CRIM1: variants seen among roughly 807,000 people sequenced by gnomAD.
The protein encoded by CRIM1 is cysteine rich transmembrane BMP regulator 1.
Under a neutral mutation model 116.4 loss-of-function variants are expected in CRIM1, and 32 were observed. The ratio of observed to expected loss-of-function variants is 0.27; its 90% CI spans 0.21 to 0.37. The LOEUF (loss-of-function observed/expected upper bound fraction) is 0.37. CRIM1 is among the 10% of genes least tolerant of loss of function. The pLI is 1.00. For synonymous variants in CRIM1, 590 were observed against 509.2 expected (o/e 1.16, Z -2.13); for missense variants, 1,331 against 1,354.8 (o/e 0.98, Z 0.28).
At chr2:36,485,003 A>C (rs1299338593) in intron 7 of CRIM1, among the ~76,000 whole-genome samples, 1 of 152,226 alleles carries the variant, frequency 6.6e-6, no homozygotes, top group African/African-American at 2.4e-5. Flanking sequence ...GGTATATCAG[A>C]GTCCATAGTA....
intron 4 of CRIM1, 32 bp downstream of exon 4, chr2:36,442,767 C>T (rs1224800385): frequency 6.2e-7 from 1 of 1,613,358 alleles, no homozygotes; most frequent in Admixed American, 1.7e-5. Flanking sequence ...CAAGTTTTCT[C>T]CTCATTTGTT....
At chr2:36,385,804 C>G (rs1196596217) in intron 1 of CRIM1, among the ~76,000 whole-genome samples, 3 of 152,128 alleles carry the variant, frequency 2.0e-5, no homozygotes, top group South Asian at 4.1e-4. Flanking sequence ...GGATTTAGAC[C>G]TAGGTTGCTC....
intron 12 of CRIM1, among the ~76,000 whole-genome samples, chr2:36,520,010 A>G (rs527469234): frequency 3.3e-5 from 5 of 152,342 alleles, no homozygotes; most frequent in African/African-American, 4.8e-5. Flanking sequence ...AAGTGTAAAG[A>G]AAAGGGTCTA....
chr2:36,465,250 A>C (rs1166587384), intron 5 of CRIM1, among the ~76,000 whole-genome samples: 1 of 152,194 alleles, frequency 6.6e-6, no homozygotes, highest in African/African-American at 2.4e-5. Flanking sequence ...TTCTGACAGA[A>C]TCTGCCTCTC....
intron 1 of CRIM1, among the ~76,000 whole-genome samples, chr2:36,375,612 G>A (rs1376044158): frequency 1.3e-5 from 2 of 152,140 alleles, no homozygotes; most frequent in African/African-American, 4.8e-5. Context: ...TATAATTAGT[G>A]TAAGATATAT....
intron 7 of CRIM1, among the ~76,000 whole-genome samples, chr2:36,481,973 C>T (rs753416526): frequency 9.2e-5 from 14 of 152,148 alleles, no homozygotes; most frequent in African/African-American, 3.1e-4. Context: ...TGAATGTGAT[C>T]GTCCACCTAC....
rs1346593908 is a variant in CRIM1, at chr2:36,477,162, G to A, written c.1174+91G>A. ...CGTCCTAATTCAGTCTCATCCAAAA[G>A]TAAAGGAATATTGAAGTTCCTTTTT... On this transcript the variant is annotated intron_variant, in intron 6 of 16. Coordinates refer to ENST00000280527, the MANE Select transcript of CRIM1 (RefSeq NM_016441.3). 6.6e-6 allele frequency: 7 copies of A among 1,067,530 alleles called. No individual in the cohort carries two copies. The East Asian group carries it at 2.0e-4, about 30-fold the overall frequency. 66.1% of individuals were successfully genotyped at this position (1,067,530 alleles called of 1,614,324 possible). A position where few individuals can be genotyped will look rare whatever the true frequency, so the allele number is the denominator to read the frequency against.
chr2:36,443,957 T>A (rs1479403844), intron 4 of CRIM1, among the ~76,000 whole-genome samples: 1 of 152,202 alleles, frequency 6.6e-6, no homozygotes, highest in Non-Finnish European at 1.5e-5. Context: ...GACATTAGAA[T>A]ATGATAATTT....
chr2:36,489,713 A>G lies in CRIM1; in HGVS notation c.1373-9506A>G, dbSNP rs560104405. 2.6e-5 allele frequency among the ~76,000 whole-genome samples: 4 copies of G among 152,362 alleles called. No homozygotes were observed. In the South Asian group the frequency reaches 8.3e-4, roughly 32 times the overall value. ...CTGTGTCTTTCAACTTGAGAGTGGC[A>G]AGAAACACTGGCAAAGATAAAAAGT... On this transcript the variant is annotated intron_variant, in intron 7 of 16. Transcript: ENST00000280527.
Position 36,502,947 on chromosome 2 carries a change from G to A in CRIM1, c.1501+3600G>A, listed in dbSNP as rs538481863. On this transcript the variant is annotated intron_variant, in intron 8 of 16. Coordinates refer to ENST00000280527, the MANE Select transcript of CRIM1 (RefSeq NM_016441.3). ...TTATTTTGGATTCTTCTTAAAGTTA[G>A]TCTTGTCATCTCGCTCACTGCCCCA... Among the ~76,000 whole-genome samples the A allele has an allele frequency of 5.5e-4, 83 of 152,270 alleles. 1 individual carries two copies. The South Asian group carries it at 0.017, about 31-fold the overall frequency.
chr2:36,429,644 A>C (rs1042619465), intron 2 of CRIM1, among the ~76,000 whole-genome samples: 1 of 152,228 alleles, frequency 6.6e-6, no homozygotes, highest in Non-Finnish European at 1.5e-5. Flanking sequence ...GGTGGAGCTT[A>C]CAAGAGACTG....
intron 1 of CRIM1, among the ~76,000 whole-genome samples, chr2:36,379,528 C>G (rs1310067994): frequency 6.6e-6 from 1 of 152,152 alleles, no homozygotes; most frequent in Non-Finnish European, 1.5e-5. Flanking sequence ...ATGAGAAGAG[C>G]AGCGTGCAGA....
chr2:36,392,913 A>G (rs549620379), intron 1 of CRIM1, among the ~76,000 whole-genome samples: 90 of 152,322 alleles, frequency 5.9e-4, no homozygotes, highest in African/African-American at 1.4e-3. Flanking sequence ...AGTGGCAGCA[A>G]TGTTTCTGAG....
chr2:36,405,328 G>A (rs1437365652), intron 2 of CRIM1, among the ~76,000 whole-genome samples: 3 of 152,126 alleles, frequency 2.0e-5, no homozygotes, highest in Non-Finnish European at 2.9e-5. Flanking sequence ...GCTTCATGGA[G>A]ACACTTTTCA....
chr2:36,445,595 ATCTTT>A (rs1676179505), intron 4 of CRIM1, among the ~76,000 whole-genome samples: 1 of 152,226 alleles, frequency 6.6e-6, no homozygotes, highest in African/African-American at 2.4e-5. Context: ...GAATTGTGTC[ATCTTT>A]TCTTTTCCTC....
intron 14 of CRIM1, 118 bp from the exon 15 acceptor site, chr2:36,544,258 A>G (rs947122087): frequency 2.2e-6 from 2 of 894,112 alleles, no homozygotes; most frequent in African/African-American, 3.5e-5. Flanking sequence ...CAGAAACTGC[A>G]TCTTTCATGT....
At chr2:36,417,296 C>G (rs1673694286) in intron 2 of CRIM1, among the ~76,000 whole-genome samples, 1 of 152,172 alleles carries the variant, frequency 6.6e-6, no homozygotes, top group Non-Finnish European at 1.5e-5. Context: ...TTTCTTTCCT[C>G]TCAGCTATTG....
intron 1 of CRIM1, among the ~76,000 whole-genome samples, chr2:36,358,863 G>C (rs889391263): frequency 1.3e-5 from 2 of 152,050 alleles, no homozygotes; most frequent in Non-Finnish European, 2.9e-5. Context: ...ATAATGGTTG[G>C]ATTTAGACAG....
At chr2:36,470,481 A>G (rs975043323) in intron 5 of CRIM1, among the ~76,000 whole-genome samples, 12 of 152,206 alleles carry the variant, frequency 7.9e-5, no homozygotes, top group African/African-American at 2.9e-4. Context: ...AATGCAGCTG[A>G]TAACTTTAAG....
Sources: gnomAD v4.1 joint callset for allele counts (sites outside exome capture counted in the v4.1 genomes callset) on GRCh38, gnomAD v4.1.1 for gene constraint, MANE v1.5 for transcripts, NCBI Gene and HGNC (gene_info 2026-07-23, HGNC 2026-07-21) for gene names.